Variants in MAN1B1 observed in about 807,000 individuals in gnomAD.
The protein encoded by MAN1B1 is mannosidase alpha class 1B member 1, also known as endoplasmic reticulum mannosyl-oligosaccharide 1,2-alpha-mannosidase.
In MAN1B1, 66 loss-of-function variants were observed where a neutral mutation model predicts 75.5. The observed-to-expected ratio is 0.87, with a 90% CI of 0.72 to 1.07. The LOEUF is 1.07. Among genes scored for constraint, MAN1B1 ranks in the 50% least tolerant of loss-of-function variants. The pLI is 0.00. For synonymous variants in MAN1B1, 453 were observed against 382.8 expected, an observed-to-expected ratio of 1.18 and a Z score of -2.14; for missense variants, 973 against 912.5, an observed-to-expected ratio of 1.07 and a Z score of -0.85.
intron 8 of MAN1B1, chr9:137,103,759 G>A (rs925724377): frequency 2.2e-5 from 10 of 448,560 alleles, no homozygotes; most frequent in African/African-American, 4.1e-5. Context: ...CAGGTCGGTG[G>A]TGTTACATTC....
At chr9:137,103,305 C>T (rs1830955562) in intron 8 of MAN1B1, 2 of 437,144 alleles carry the variant, frequency 4.6e-6, no homozygotes, top group Non-Finnish European at 9.0e-6. Context: ...TACATTCATG[C>T]TGTTGCAGGC....
At position 137,107,377 on chromosome 9, in the gene MAN1B1, C is replaced by T. The variant is rs773142020; in HGVS notation, c.1694C>T (p.Thr565Met). The change falls in exon 11 of 13, where the codon ACG becomes ATG. Residue 565 changes from threonine (T) to methionine (M), a missense_variant. Physicochemically the swap from Thr to Met is moderately conservative, Grantham distance 81. Coordinates refer to ENST00000371589, the MANE Select transcript of MAN1B1 (RefSeq NM_016219.5). ...TCYQMNRQME[T>M]GLSPEIVHFN... ...TACCAGATGAACCGGCAGATGGAGA[C>T]GGGGCTGAGTCCCGAGATCGTGCAC... 67 of 1,613,296 alleles carry T rather than the reference C, an allele frequency of 4.2e-5. No homozygotes were observed. Among genetic ancestry groups the T allele is most frequent in the Non-Finnish European group, 4.9e-5 (58 of 1,180,010 alleles).
chr9:137,099,085 C>T (rs911269152), intron 5 of MAN1B1, among the ~76,000 whole-genome samples: 5 of 152,188 alleles, frequency 3.3e-5, no homozygotes, highest in Non-Finnish European at 7.3e-5. Flanking sequence ...CCACCTCGGC[C>T]TCCCAGAGTA....
At chr9:137,106,493 C>T (rs1831112187) in intron 9 of MAN1B1, 178 bp downstream of exon 9, 1 of 970,626 alleles carries the variant, frequency 1.0e-6, no homozygotes, top group Non-Finnish European at 1.5e-6. Context: ...CGTATTCATT[C>T]ACCTCTCACC....
intron 12 of MAN1B1, 62 bp from the exon 13 acceptor site, chr9:137,108,326 A>T (rs1831190417): frequency 7.0e-7 from 1 of 1,425,440 alleles, no homozygotes; most frequent in Non-Finnish European, 9.9e-7. Flanking sequence ...CGCTTCGGTG[A>T]TGAGGCTGAG....
chr9:137,103,484 T>C (rs926466544), intron 8 of MAN1B1: 37 of 435,426 alleles, frequency 8.5e-5, no homozygotes, highest in Non-Finnish European at 1.6e-4. Context: ...TGCAGGTCAG[T>C]GGTACACACA....
chr9:137,087,766 C>T (rs1321622261), intron 1 of MAN1B1, among the ~76,000 whole-genome samples: 2 of 152,220 alleles, frequency 1.3e-5, no homozygotes, highest in Non-Finnish European at 2.9e-5. Flanking sequence ...ATCCTCGTCT[C>T]ATCTGCACCA....
intron 3 of MAN1B1, 96 bp from the exon 4 acceptor site, chr9:137,096,141 G>A: frequency 7.7e-7 from 1 of 1,299,918 alleles, no homozygotes. Flanking sequence ...AGCTCAGTCT[G>A]TGAGGTGTGG....
In MAN1B1 at chr9:137,087,029, A is replaced by C. The variant is rs779708856; in HGVS notation, c.30A>C (p.Gly10=). 5.0e-6 allele frequency: 8 copies of C among 1,602,206 alleles called. No individual in the cohort carries two copies. The East Asian group carries it at 1.6e-4, about 32-fold the overall frequency. The change falls in exon 1 of 13, where the codon GGA becomes GGC. Residue 10 remains glycine (G), a synonymous_variant. Coordinates refer to ENST00000371589, the MANE Select transcript of MAN1B1 (RefSeq NM_016219.5). ...CTGCCTGCGAGGGCAGGAGAAGCGG[A>C]GCTCTCGGTTCCTCTCAGTCGGACT... MAACEGRRS[G]ALGSSQSDFL... is the part of the protein sequence containing the mutation.
rs759930732 is a variant in MAN1B1, at chr9:137,099,892, CT to C, written c.916+14del. On this transcript the variant is annotated intron_variant, in intron 6 of 12. Transcript: ENST00000371589. ...TGGGTCTGAGGAAAGGTACCTGGTG[CT>C]TTCTGGGGAGGGGCTGAGCCCTCCG... 6.2e-7 allele frequency: 1 copy of C among 1,614,032 alleles called. No homozygotes were observed. Among genetic ancestry groups the C allele is most frequent in the East Asian group, 2.2e-5 (1 of 44,880 alleles).
chr9:137,098,146 G>A (rs546494278), intron 5 of MAN1B1, among the ~76,000 whole-genome samples: 1 of 152,354 alleles, frequency 6.6e-6, no homozygotes, highest in South Asian at 2.1e-4. Context: ...GCACATGGCT[G>A]CAGAAGAAGG....
At chr9:137,103,266 C>T (rs1028485245) in intron 8 of MAN1B1, 6 of 418,624 alleles carry the variant, frequency 1.4e-5, no homozygotes, top group East Asian at 7.8e-5. Flanking sequence ...GTGTTACACA[C>T]ATGCTGTTGC....
rs2131131882 is a variant in MAN1B1, at chr9:137,107,497, G to T, written c.1765-34G>T. The T allele has an allele frequency of 2.5e-6, 4 of 1,612,964 alleles. No homozygotes were observed. In the East Asian group the frequency reaches 6.7e-5, roughly 27 times the overall value. ...CCATCAGGAGGAGGGTGCTGGCAGG[G>T]CTGGCCTTGCCCTGAGCTCTGCTCC... On this transcript the variant is annotated intron_variant, in intron 11 of 12. Transcript: ENST00000371589.
At chr9:137,091,054 G>C (rs978085527) in intron 3 of MAN1B1, among the ~76,000 whole-genome samples, 10 of 152,168 alleles carry the variant, frequency 6.6e-5, no homozygotes, top group Non-Finnish European at 1.2e-4. Context: ...TGATGGGAGA[G>C]TCCTGCTCTT....
rs778422821 is a variant in MAN1B1, at chr9:137,087,146, C to G, written c.147C>G (p.Phe49Leu). ...PPPPPPPHRDFISVTLSFGEN... is the reference protein window; with the variant it reads ...PPPPPPPHRDLISVTLSFGEN... ...CGCCGCCGCCGCCTCATCGGGACTT[C>G]ATCTCGGTGACGCTGAGCTTTGGCG... is the stretch of plus-strand genomic sequence containing the variant. The change falls in exon 1 of 13, where the codon TTC becomes TTG. Residue 49 changes from phenylalanine (F) to leucine (L), a missense_variant. Phe to Leu is a conservative substitution (Grantham distance 22, BLOSUM62 0). Transcript: ENST00000371589. The G allele has an allele frequency of 6.3e-7, 1 of 1,594,308 alleles. No individual in the cohort carries two copies. Among genetic ancestry groups the G allele is most frequent in the Non-Finnish European group, 8.5e-7 (1 of 1,171,600 alleles).
rs779030233 is a variant in MAN1B1 at position 137,106,154 on chromosome 9, C to G, written c.1284C>G (p.Ile428Met). The change falls in exon 9 of 13, where the codon ATC becomes ATG. Residue 428 changes from isoleucine (I) to methionine (M), a missense_variant. Physicochemically the swap from Ile to Met is conservative, Grantham distance 10 (BLOSUM62 1). Transcript: ENST00000371589. ...CAGTGGAGAAGGTGACACAGCACAT[C>G]CACGGCCTGTCTGGGAAGAAGGATG... is the stretch of plus-strand genomic sequence containing the variant. Reference protein sequence around the residue: ...QEAVEKVTQHIHGLSGKKDGL... With the variant: ...QEAVEKVTQHMHGLSGKKDGL... 1.9e-6 allele frequency: 3 copies of G among 1,612,914 alleles called. No homozygotes were observed. The highest frequency in any genetic ancestry group is 2.5e-6 in the Non-Finnish European group (3 of 1,179,948).
rs752390747 is a variant in MAN1B1, at chr9:137,101,740, A to G, written c.1254+68A>G. ...CTACCTTTTGCTCATCACAGCAGGTACTGTGTGTGTGTGTGTATGTGCATG... is the reference window on the plus strand; with the variant it reads ...CTACCTTTTGCTCATCACAGCAGGTGCTGTGTGTGTGTGTGTATGTGCATG... On this transcript the variant is annotated intron_variant, in intron 8 of 12. Transcript: ENST00000371589. 42 of 1,507,476 alleles carry G rather than the reference A, an allele frequency of 2.8e-5. No homozygotes were observed. The South Asian group carries it at 4.8e-4, about 17-fold the overall frequency. 93.4% of individuals were successfully genotyped at this position (1,507,476 alleles called of 1,614,324 possible).
chr9:137,108,346 G>A, intron 12 of MAN1B1, 42 bp from the exon 13 acceptor site: 1 of 1,500,754 alleles, frequency 6.7e-7, no homozygotes, highest in Non-Finnish European at 9.3e-7. Context: ...GGGGGGTGCA[G>A]GGTGCCCCCC....
At position 137,108,725 on chromosome 9, in the gene MAN1B1, T is replaced by C. The variant is rs780298833; in HGVS notation, c.*134T>C. ...CTCTGAACTGGCTCTGGGCTCCTCC[T>C]CGTCTCTGCTTTAATCAGGACACCG... is the stretch of plus-strand genomic sequence containing the variant. On this transcript the variant is annotated 3_prime_UTR_variant, in exon 13 of 13. Transcript: ENST00000371589. 1 of 819,034 alleles carries C rather than the reference T, an allele frequency of 1.2e-6. No homozygotes were observed. Among genetic ancestry groups the C allele is most frequent in the South Asian group, 1.4e-5 (1 of 72,762 alleles). 50.7% of individuals were successfully genotyped at this position (819,034 alleles called of 1,614,324 possible).
Sources: allele counts gnomAD v4.1 joint callset (sites outside exome capture counted in the v4.1 genomes callset), GRCh38; gene constraint gnomAD v4.1.1; transcripts MANE v1.5; gene names NCBI Gene and HGNC (gene_info 2026-07-23, HGNC 2026-07-21).